Variants in DCC observed in about 807,000 individuals in gnomAD.
DCC encodes netrin receptor DCC.
DCC carries 58 observed loss-of-function variants against 172.5 expected under a neutral mutation model. That is an observed-to-expected ratio of 0.34 (90% CI 0.27 to 0.42). The LOEUF (loss-of-function observed/expected upper bound fraction) is 0.42. Ranked by LOEUF, DCC falls within the 10% of genes least tolerant of loss-of-function variation. The pLI is 1.00. For synonymous variants in DCC, 709 were observed against 644.5 expected, an observed-to-expected ratio of 1.10 and a Z score of -1.52; for missense variants, 1,740 against 1,791.0, an observed-to-expected ratio of 0.97 and a Z score of 0.51.
At chr18:52,751,383 C>T (rs114268067) in intron 1 of DCC, among the ~76,000 whole-genome samples, 369 of 152,248 alleles carry the variant, frequency 2.4e-3, no homozygotes, top group African/African-American at 8.1e-3. Flanking sequence ...TGTTCATTTA[C>T]GTTTATGAAA....
chr18:52,497,310 TATATAC>T lies in DCC; in HGVS notation c.91+156434_91+156439del, dbSNP rs1403467474. ...ATATATATATATATATATATATATATATATACACACACACATATATATACACACGTA... is the reference window on the plus strand; with the variant it reads ...ATATATATATATATATATATATATATACACACACATATATATACACACGTA... On this transcript the variant is annotated intron_variant, in intron 1 of 28. Transcript: ENST00000442544. Among the ~76,000 whole-genome samples the T allele has an allele frequency of 5.8e-3, 515 of 88,308 alleles. 89 individuals carry two copies. The highest frequency in any genetic ancestry group is 0.017 in the African/African-American group (435 of 26,288). The allele number at this position is 88,308 out of a possible 152,430, so 57.9% of individuals were successfully genotyped here.
At chr18:52,498,410 G>T (rs1258023264) in intron 1 of DCC, among the ~76,000 whole-genome samples, 2 of 152,076 alleles carry the variant, frequency 1.3e-5, no homozygotes, top group African/African-American at 4.8e-5. Context: ...GATCACTTGA[G>T]GTCATGAGTT....
At chr18:52,449,077 G>A (rs1342423116) in intron 1 of DCC, among the ~76,000 whole-genome samples, 1 of 152,224 alleles carries the variant, frequency 6.6e-6, no homozygotes, top group Non-Finnish European at 1.5e-5. Context: ...GCAAGAAGGA[G>A]CAAGTTATGC....
At position 53,148,027 on chromosome 18, in the gene DCC, T is replaced by A. The variant is rs189831671; in HGVS notation, c.1262-9329T>A. ...ATGTATCTTTACTTGAGTTTCTCACTGGAAACATTTAGTTGTTTAACACAC... is the reference window on the plus strand; with the variant it reads ...ATGTATCTTTACTTGAGTTTCTCACAGGAAACATTTAGTTGTTTAACACAC... On this transcript the variant is annotated intron_variant, in intron 7 of 28. Coordinates refer to ENST00000442544, the MANE Select transcript of DCC (RefSeq NM_005215.4). Among the ~76,000 whole-genome samples, 3 of 152,348 alleles carry A rather than the reference T, an allele frequency of 2.0e-5. No individual in the cohort carries two copies. In the East Asian group the frequency reaches 5.8e-4, roughly 29 times the overall value.
chr18:52,472,323 C>G (rs1988970870), intron 1 of DCC, among the ~76,000 whole-genome samples: 1 of 152,126 alleles, frequency 6.6e-6, no homozygotes, highest in African/African-American at 2.4e-5. Context: ...GGCCCACCAT[C>G]TGTGTTCATC....
intron 7 of DCC, among the ~76,000 whole-genome samples, chr18:53,089,277 G>A (rs1336141157): frequency 6.6e-6 from 1 of 151,966 alleles, no homozygotes; most frequent in Non-Finnish European, 1.5e-5. Context: ...GTAGAGACAG[G>A]GTTTCACCTT....
intron 1 of DCC, among the ~76,000 whole-genome samples, chr18:52,379,986 G>T (rs533783647): frequency 6.6e-6 from 1 of 152,256 alleles, no homozygotes; most frequent in South Asian, 2.1e-4. Flanking sequence ...GGTACTGGTA[G>T]GTTTGGTGAC....
In DCC at chr18:52,788,645, C is replaced by T. The variant is rs61666749; in HGVS notation, c.412+36271C>T. On this transcript the variant is annotated intron_variant, in intron 2 of 28. Coordinates refer to ENST00000442544, the MANE Select transcript of DCC (RefSeq NM_005215.4). The stretch of plus-strand genomic sequence containing the variant: ...CTTTTTGTAGACATTACGCATAACA[C>T]ATATATAGCAACACAGAATTCAGAA... 8.9e-3 allele frequency among the ~76,000 whole-genome samples: 1,360 copies of T among 152,274 alleles called. 31 individuals carry two copies. The highest frequency in any genetic ancestry group is 0.084 in the East Asian group (434 of 5,178).
intron 1 of DCC, among the ~76,000 whole-genome samples, chr18:52,420,060 C>T (rs1011130076): frequency 1.3e-4 from 20 of 152,122 alleles, no homozygotes; most frequent in Non-Finnish European, 2.4e-4. Context: ...GTGTTTCAAC[C>T]TCTGACAAAG....
At chr18:53,464,979 C>CAAAAAAA (rs71179510) in intron 24 of DCC, among the ~76,000 whole-genome samples, 2 of 54,824 alleles carry the variant, frequency 3.6e-5, no homozygotes, top group African/African-American at 1.2e-4. Context: ...AACTCAATCT[C>CAAAAAAA]AAAAAAAAAA....
intron 2 of DCC, among the ~76,000 whole-genome samples, chr18:52,797,899 AT>A (rs2037907608): frequency 6.6e-6 from 1 of 152,160 alleles, no homozygotes; most frequent in Non-Finnish European, 1.5e-5. Flanking sequence ...CATAAAACAC[AT>A]GTGGGCAATA....
At chr18:52,522,551 G>A (rs533808864) in intron 1 of DCC, among the ~76,000 whole-genome samples, 39 of 152,234 alleles carry the variant, frequency 2.6e-4, no homozygotes, top group East Asian at 9.6e-4. Flanking sequence ...TGCATATTGC[G>A]TTATTTACTT....
chr18:53,524,064 T>A (rs1196691579), intron 27 of DCC, among the ~76,000 whole-genome samples: 1 of 152,040 alleles, frequency 6.6e-6, no homozygotes, highest in African/African-American at 2.4e-5. Flanking sequence ...AAGAGATCCA[T>A]TGTATATTGT....
intron 13 of DCC, among the ~76,000 whole-genome samples, chr18:53,307,927 A>T (rs183488074): frequency 9.5e-6 from 1 of 105,116 alleles, no homozygotes; most frequent in African/African-American, 4.8e-5. Context: ...ATATATATAT[A>T]TATATATATA....
chr18:53,013,617 G>C (rs937956047), intron 5 of DCC, among the ~76,000 whole-genome samples: 59 of 151,610 alleles, frequency 3.9e-4, no homozygotes, highest in African/African-American at 1.4e-3. Flanking sequence ...TAGATGATGG[G>C]TTGATAGGTG....
chr18:52,403,169 T>C (rs540562078), intron 1 of DCC, among the ~76,000 whole-genome samples: 1 of 152,184 alleles, frequency 6.6e-6, no homozygotes, highest in Non-Finnish European at 1.5e-5. Context: ...AAGTTTACCG[T>C]ATGTTTTCTA....
At chr18:53,363,557 G>A (rs750268077) in intron 15 of DCC, among the ~76,000 whole-genome samples, 16 of 151,960 alleles carry the variant, frequency 1.1e-4, no homozygotes, top group East Asian at 1.9e-4. Flanking sequence ...ATTCTCTCCC[G>A]TGGCCCTCTC....
At chr18:53,432,979 C>T (rs1911718263) in intron 21 of DCC, among the ~76,000 whole-genome samples, 1 of 152,008 alleles carries the variant, frequency 6.6e-6, no homozygotes, top group Non-Finnish European at 1.5e-5. Flanking sequence ...TCTAAACTTG[C>T]TCGTTGGTGA....
At chr18:52,923,925 T>C in intron 4 of DCC, 68 bp downstream of exon 4, 2 of 1,172,740 alleles carry the variant, frequency 1.7e-6, no homozygotes, top group South Asian at 1.2e-5. Context: ...TTTATATTTC[T>C]CTAATTTGAT....
Sources: allele counts gnomAD v4.1 joint callset (sites outside exome capture counted in the v4.1 genomes callset), GRCh38; gene constraint gnomAD v4.1.1; transcripts MANE v1.5; gene names NCBI Gene and HGNC (gene_info 2026-07-23, HGNC 2026-07-21).